Variants in CUX1 observed in about 807,000 individuals in gnomAD.
CUX1 encodes cut like homeobox 1.
Under a neutral mutation model 158.8 loss-of-function variants are expected in CUX1, and 31 were observed. The observed-to-expected ratio is 0.20, with a 90% CI of 0.15 to 0.26. The LOEUF (loss-of-function observed/expected upper bound fraction) is 0.26. Among genes scored for constraint, CUX1 ranks in the 10% least tolerant of loss-of-function variants. The probability of loss-of-function intolerance (pLI) is 1.00; values close to 1 mark genes in which losing one functional copy is unlikely to be tolerated. For missense variants in CUX1, 1,589 were observed against 2,014.6 expected, an observed-to-expected ratio of 0.79 and a Z score of 4.04; for synonymous variants, 879 against 862.1, an observed-to-expected ratio of 1.02 and a Z score of -0.34.
intron 9 of CUX1, among the ~76,000 whole-genome samples, 185 bp from the exon 10 acceptor site, chr7:102,170,261 T>C (rs1554510012): frequency 6.6e-6 from 1 of 152,264 alleles, no homozygotes; most frequent in Non-Finnish European, 1.5e-5. Context: ...CAATTATTTC[T>C]TCCTTGTACT....
chr7:101,977,761 ACT>A (rs1812893748), intron 2 of CUX1, among the ~76,000 whole-genome samples: 2 of 151,968 alleles, frequency 1.3e-5, no homozygotes, highest in Non-Finnish European at 2.9e-5. Context: ...ACAGAGTGAG[ACT>A]CTGCTCAAAA....
intron 3 of CUX1, among the ~76,000 whole-genome samples, chr7:102,057,377 T>C (rs1824288154): frequency 6.6e-6 from 1 of 152,148 alleles, no homozygotes; most frequent in Admixed American, 6.6e-5. Flanking sequence ...AGAAATACAT[T>C]TTGTAAGGCT....
chr7:101,868,126 C>T (rs768447279), intron 1 of CUX1, among the ~76,000 whole-genome samples: 4 of 152,190 alleles, frequency 2.6e-5, no homozygotes, highest in Admixed American at 6.5e-5. Context: ...TGATTACAGG[C>T]GAGCTTTTCT....
intron 13 of CUX1, chr7:102,194,155 A>T (rs782668065): frequency 5.9e-6 from 3 of 509,406 alleles, no homozygotes; most frequent in Non-Finnish European, 1.0e-5. Context: ...TCCCTGACTG[A>T]TAGGAGATGG....
At chr7:101,914,428 C>T (rs1803922825) in intron 1 of CUX1, among the ~76,000 whole-genome samples, 1 of 137,386 alleles carries the variant, frequency 7.3e-6, no homozygotes, top group South Asian at 2.5e-4. Flanking sequence ...CCCTCCCTCC[C>T]TCCGTCCTTC....
intron 2 of CUX1, among the ~76,000 whole-genome samples, chr7:101,977,855 T>A (rs1331344034): frequency 1.3e-5 from 2 of 152,174 alleles, no homozygotes; most frequent in Admixed American, 6.5e-5. Flanking sequence ...TCTTGCTTTT[T>A]AAGCATGGTT....
intron 1 of CUX1, among the ~76,000 whole-genome samples, chr7:101,827,374 T>C (rs1252908527): frequency 2.0e-5 from 3 of 152,058 alleles, no homozygotes. Flanking sequence ...GACATAATCA[T>C]AGCTGACTGC....
intron 8 of CUX1, among the ~76,000 whole-genome samples, chr7:102,119,752 G>A (rs1213363037): frequency 6.6e-6 from 1 of 151,812 alleles, no homozygotes; most frequent in Non-Finnish European, 1.5e-5. Context: ...TCACTGTGTT[G>A]CCCAGAGTGG....
intron 6 of CUX1, among the ~76,000 whole-genome samples, chr7:102,111,212 A>G (rs142821880): frequency 6.6e-6 from 1 of 152,152 alleles, no homozygotes; most frequent in South Asian, 2.1e-4. Context: ...GAGCATTCAC[A>G]ATGTCCCCAT....
chr7:102,205,489 A>G (rs570347851), intron 20 of CUX1, among the ~76,000 whole-genome samples: 3 of 152,172 alleles, frequency 2.0e-5, no homozygotes, highest in Non-Finnish European at 4.4e-5. Context: ...TCTGATAGGA[A>G]GGGATAAAGC....
chr7:101,860,400 T>C (rs1779016246), intron 1 of CUX1, among the ~76,000 whole-genome samples: 1 of 152,194 alleles, frequency 6.6e-6, no homozygotes, highest in Non-Finnish European at 1.5e-5. Flanking sequence ...TAAAAGATAA[T>C]GTCACTTCGA....
At chr7:102,061,409 T>C (rs904984989) in intron 3 of CUX1, among the ~76,000 whole-genome samples, 7 of 152,142 alleles carry the variant, frequency 4.6e-5, no homozygotes, top group African/African-American at 1.7e-4. Flanking sequence ...GGAGCCAGGG[T>C]CCAAGTAACT....
chr7:102,216,687 C>CA lies in CUX1; in HGVS notation c.3131-10680_3131-10679insA, dbSNP rs1554524919. Among the ~76,000 whole-genome samples, 873 of 113,802 alleles carry CA rather than the reference C, an allele frequency of 7.7e-3. 19 individuals are homozygous for CA. The highest frequency in any genetic ancestry group is 0.011 in the Non-Finnish European group (654 of 58,570). The allele number at this position is 113,802 out of a possible 152,430, so 74.7% of individuals were successfully genotyped here. On this transcript the variant is annotated intron_variant, in intron 20 of 23. Transcript: ENST00000292535. ...CACACACTCACACACACACACTCCCCCACACACACTCCCACACGCACTCTC... is the reference window on the plus strand; with the variant it reads ...CACACACTCACACACACACACTCCCCACACACACACTCCCACACGCACTCTC...
rs371193728 is a variant in CUX1, at chr7:102,085,518, TTTGC to T, written c.269-11842_269-11839del. The stretch of plus-strand genomic sequence containing the variant: ...TGGTTTTATAAGGAGCTTTTCCCGC[TTTGC>T]TTGTCACTCCTTCCTGCTGCCATGT... On this transcript the variant is annotated intron_variant, in intron 4 of 23. Coordinates refer to ENST00000292535, the MANE Select transcript of CUX1 (RefSeq NM_181552.4). Among the ~76,000 whole-genome samples, 1,075 of 152,264 alleles carry T rather than the reference TTTGC, an allele frequency of 7.1e-3. 17 individuals carry two copies. Among genetic ancestry groups the T allele is most frequent in the African/African-American group, 0.025 (1,041 of 41,548 alleles).
intron 23 of CUX1, among the ~76,000 whole-genome samples, chr7:102,243,433 G>C (rs1165927744): frequency 1.3e-5 from 2 of 151,972 alleles, no homozygotes; most frequent in East Asian, 3.9e-4. Context: ...CATGGAAGAG[G>C]TATGAAATGA....
intron 4 of CUX1, among the ~76,000 whole-genome samples, chr7:102,090,937 A>C (rs531041023): frequency 1.2e-3 from 183 of 152,322 alleles, no homozygotes; most frequent in Middle Eastern, 0.01. Context: ...AGAGGGGTTA[A>C]GTAACTTGTC....
intron 22 of CUX1, among the ~76,000 whole-genome samples, chr7:102,238,910 G>A (rs1476697068): frequency 1.3e-5 from 2 of 151,388 alleles, no homozygotes; most frequent in Non-Finnish European, 2.9e-5. Context: ...TTTTGTTTGA[G>A]ACGGAATCTT....
intron 2 of CUX1, among the ~76,000 whole-genome samples, chr7:101,973,856 C>T (rs1812318999): frequency 6.6e-6 from 1 of 151,352 alleles, no homozygotes; most frequent in Non-Finnish European, 1.5e-5. Context: ...GCAACCTCCA[C>T]CTCCCAGGTT....
intron 8 of CUX1, among the ~76,000 whole-genome samples, chr7:102,147,146 C>T (rs1835107270): frequency 1.3e-5 from 2 of 152,238 alleles, no homozygotes; most frequent in South Asian, 4.2e-4. Context: ...GGTGGGGCCA[C>T]CGTGGAGTGT....
Sources: gnomAD v4.1 joint callset for allele counts (sites outside exome capture counted in the v4.1 genomes callset) on GRCh38, gnomAD v4.1.1 for gene constraint, MANE v1.5 for transcripts, NCBI Gene and HGNC (gene_info 2026-07-23, HGNC 2026-07-21) for gene names.